The following TCERG1L variants were observed in gnomAD, a reference collection of about 807,000 sequenced individuals.
TCERG1L encodes transcription elongation regulator 1 like, also known as transcription elongation regulator 1-like protein.
TCERG1L carries 37 observed loss-of-function variants against 56.3 expected under a neutral mutation model. That is an observed-to-expected ratio of 0.66 (90% confidence interval 0.51 to 0.87). The LOEUF (loss-of-function observed/expected upper bound fraction) is 0.87. TCERG1L is among the 40% of genes least tolerant of loss of function. The pLI is 0.00. For missense variants in TCERG1L, 799 were observed against 774.2 expected (o/e 1.03, Z -0.38); for synonymous variants, 324 against 326.3 (o/e 0.99, Z 0.08).
At chr10:131,150,551 A>G (rs951725973) in intron 6 of TCERG1L, among the ~76,000 whole-genome samples, 5 of 152,174 alleles carry the variant, frequency 3.3e-5, no homozygotes, top group African/African-American at 1.2e-4. Context: ...GCTTTCCTGA[A>G]CACCCAGGGG....
At chr10:131,249,512 A>AC (rs1414709005) in intron 4 of TCERG1L, among the ~76,000 whole-genome samples, 1 of 152,212 alleles carries the variant, frequency 6.6e-6, no homozygotes, top group Non-Finnish European at 1.5e-5. Context: ...TCCCTGGAGG[A>AC]CAGTGGCCCT....
intron 8 of TCERG1L, among the ~76,000 whole-genome samples, chr10:131,131,144 A>G (rs1437961404): frequency 6.6e-6 from 1 of 152,170 alleles, no homozygotes; most frequent in Non-Finnish European, 1.5e-5. Flanking sequence ...TCCAGAAATC[A>G]CAGGTGTGAT....
At chr10:131,198,677 T>TG (rs1261821664) in intron 4 of TCERG1L, among the ~76,000 whole-genome samples, 1 of 152,232 alleles carries the variant, frequency 6.6e-6, no homozygotes, top group African/African-American at 2.4e-5. Flanking sequence ...CCTCCCAGGC[T>TG]GATGCTGCAT....
chr10:131,120,507 T>C, intron 8 of TCERG1L, among the ~76,000 whole-genome samples: 1 of 152,216 alleles, frequency 6.6e-6, no homozygotes, highest in East Asian at 1.9e-4. Context: ...ACCATTGCCC[T>C]GGCAGAGAAA....
chr10:131,220,893 T>C (rs115548146), intron 4 of TCERG1L, among the ~76,000 whole-genome samples: 2,104 of 152,300 alleles, frequency 0.014, 45 homozygotes, highest in African/African-American at 0.047. Context: ...TGTGTGGTCT[T>C]AGTTCTGCCT....
chr10:131,152,951 C>G (rs1845881354), intron 6 of TCERG1L, among the ~76,000 whole-genome samples: 1 of 152,122 alleles, frequency 6.6e-6, no homozygotes, highest in African/African-American at 2.4e-5. Context: ...GAAATGGCCC[C>G]CATGACTCAA....
intron 4 of TCERG1L, among the ~76,000 whole-genome samples, chr10:131,232,921 T>C (rs1845867896): frequency 6.6e-6 from 1 of 152,234 alleles, no homozygotes; most frequent in Admixed American, 6.5e-5. Flanking sequence ...AAATAGGTTT[T>C]TACAAAGGCT....
At chr10:131,199,952 C>T (rs1009524146) in intron 4 of TCERG1L, among the ~76,000 whole-genome samples, 2 of 152,208 alleles carry the variant, frequency 1.3e-5, no homozygotes, top group Non-Finnish European at 1.5e-5. Flanking sequence ...AAATTACCTG[C>T]TGTGTCTCAG....
At chr10:131,213,236 T>C (rs1313678104) in intron 4 of TCERG1L, among the ~76,000 whole-genome samples, 2 of 152,118 alleles carry the variant, frequency 1.3e-5, no homozygotes, top group Non-Finnish European at 2.9e-5. Context: ...CACGGGAAGA[T>C]GGCACATGCC....
chr10:131,272,013 C>G (rs1186897181), intron 3 of TCERG1L, among the ~76,000 whole-genome samples: 1 of 152,202 alleles, frequency 6.6e-6, no homozygotes, highest in Non-Finnish European at 1.5e-5. Context: ...ACTTCAGGCA[C>G]AGAAGACAGG....
chr10:131,217,131 T>C (rs535315521), intron 4 of TCERG1L, among the ~76,000 whole-genome samples: 1 of 152,256 alleles, frequency 6.6e-6, no homozygotes, highest in South Asian at 2.1e-4. Context: ...TGATCTCCAG[T>C]GTTGGAGGTG....
At chr10:131,285,974 T>A (rs1217343853) in intron 3 of TCERG1L, among the ~76,000 whole-genome samples, 1 of 152,204 alleles carries the variant, frequency 6.6e-6, no homozygotes. Flanking sequence ...AGGACCAGCA[T>A]GGGGTACCAG....
At chr10:131,093,554 T>C (rs1028432846) in intron 11 of TCERG1L, among the ~76,000 whole-genome samples, 3 of 151,980 alleles carry the variant, frequency 2.0e-5, no homozygotes, top group Non-Finnish European at 4.4e-5. Context: ...CTCTGAGTGG[T>C]CTCCGGAAAT....
rs74160848 is a variant in TCERG1L at position 131,118,284 on chromosome 10, A to G, written c.1260-1350T>C. Among the ~76,000 whole-genome samples, 4,041 of 152,282 alleles carry G rather than the reference A, an allele frequency of 0.027. 169 individuals carry two copies. The highest frequency in any genetic ancestry group is 0.093 in the African/African-American group (3,874 of 41,532). Reference sequence around the variant, plus strand: ...AGATGTAGGAATGGCATGTACATCTAAAGGCATGGGCCTTACCCGCTCCTT... The same window carrying G: ...AGATGTAGGAATGGCATGTACATCTGAAGGCATGGGCCTTACCCGCTCCTT... On this transcript the variant is annotated intron_variant, in intron 8 of 11. Coordinates refer to ENST00000368642, the MANE Select transcript of TCERG1L (RefSeq NM_174937.4). This position sits in a 1 kb window ranked among gnomAD's most constrained non-coding sequence, Gnocchi z 4.2.
At chr10:131,277,467 C>G (rs1316478062) in intron 3 of TCERG1L, among the ~76,000 whole-genome samples, 1 of 152,198 alleles carries the variant, frequency 6.6e-6, no homozygotes, top group African/African-American at 2.4e-5. Flanking sequence ...ACATGAGCCA[C>G]AAGAGAGGGC....
At chr10:131,147,794 C>A (rs747329351) in intron 6 of TCERG1L, among the ~76,000 whole-genome samples, 1 of 152,260 alleles carries the variant, frequency 6.6e-6, no homozygotes, top group East Asian at 1.9e-4. Flanking sequence ...CTGTCGGGCA[C>A]GGCCTAGGCC....
chr10:131,302,608 CTTTTT>C (rs35380771), intron 3 of TCERG1L, among the ~76,000 whole-genome samples: 3 of 142,922 alleles, frequency 2.1e-5, no homozygotes, highest in Non-Finnish European at 3.0e-5. Context: ...CCTCCCAATT[CTTTTT>C]TTTTTTTTTC....
chr10:131,290,946 C>A (rs532581740), intron 3 of TCERG1L, among the ~76,000 whole-genome samples: 1 of 152,282 alleles, frequency 6.6e-6, no homozygotes, highest in South Asian at 2.1e-4. Context: ...GCAGGCGTGG[C>A]CCGTTGCATC....
chr10:131,096,867 C>A (rs1845253150), intron 11 of TCERG1L, among the ~76,000 whole-genome samples: 1 of 142,534 alleles, frequency 7.0e-6, no homozygotes, highest in African/African-American at 2.7e-5. Context: ...GCCTGGGCAA[C>A]AGAGCGACTC....
Sources: gnomAD v4.1 joint callset for allele counts (sites outside exome capture counted in the v4.1 genomes callset) on GRCh38, gnomAD v4.1.1 for gene constraint, Gnocchi (gnomAD v3.1) non-coding constraint, MANE v1.5 for transcripts, NCBI Gene and HGNC (gene_info 2026-07-23, HGNC 2026-07-21) for gene names.